The following LMBR1 variants were observed in gnomAD, a reference collection of about 807,000 sequenced individuals.
The protein encoded by LMBR1 is limb region 1 protein homolog.
A neutral mutation model predicts 73.9 loss-of-function variants in LMBR1; 52 were observed. That is an observed-to-expected ratio of 0.70 (90% confidence interval 0.56 to 0.89). LMBR1 has a LOEUF of 0.89. Ranked by LOEUF, LMBR1 falls within the 40% of genes least tolerant of loss-of-function variation. The pLI is 0.00. For missense variants in LMBR1, 539 were observed against 579.8 expected (o/e 0.93, Z 0.72); for synonymous variants, 215 against 209.4 (o/e 1.03, Z -0.23).
At chr7:156,826,406 T>C (rs1835704440) in intron 4 of LMBR1, among the ~76,000 whole-genome samples, 199 bp downstream of exon 4, 1 of 152,188 alleles carries the variant, frequency 6.6e-6, no homozygotes, top group African/African-American at 2.4e-5. Context: ...GCTTCTTAAC[T>C]AAGAGAAAAG....
chr7:156,706,750 A>G (rs1215943695), intron 15 of LMBR1, among the ~76,000 whole-genome samples: 1 of 152,140 alleles, frequency 6.6e-6, no homozygotes, highest in African/African-American at 2.4e-5. Flanking sequence ...AGGGAAGTTT[A>G]TGACATCAAG....
chr7:156,688,033 G>C lies in LMBR1; in HGVS notation c.1384C>G (p.Leu462Val). The C allele has an allele frequency of 1.3e-6, 2 of 1,598,306 alleles. No individual in the cohort carries two copies. The highest frequency in any genetic ancestry group is 8.5e-7 in the Non-Finnish European group (1 of 1,175,208). ...SAVREELFKALGLHKLHLPNT... is the reference protein window; with the variant it reads ...SAVREELFKAVGLHKLHLPNT... ...TACCCATAAACCTCAGGATTACCTA[G>C]GGCCTTGAAAAGTTCTTCTCGAACT... Residue 462 changes from leucine (L) to valine (V), a missense_variant, in exon 16 of 17, where the codon CTA becomes GTA. Leu to Val is a conservative substitution (Grantham distance 32, BLOSUM62 1). Transcript: ENST00000353442.
intron 9 of LMBR1, among the ~76,000 whole-genome samples, chr7:156,738,151 A>G (rs1818236964): frequency 6.6e-6 from 1 of 152,110 alleles, no homozygotes; most frequent in African/African-American, 2.4e-5. Context: ...TGTAGTGTGG[A>G]GAGAGAATCT....
At chr7:156,829,339 T>G (rs1836260897) in intron 3 of LMBR1, among the ~76,000 whole-genome samples, 1 of 152,200 alleles carries the variant, frequency 6.6e-6, no homozygotes, top group Non-Finnish European at 1.5e-5. Flanking sequence ...GATCCCCCAG[T>G]GTTGGAGGTG....
chr7:156,789,332 T>C (rs749112789), intron 5 of LMBR1, among the ~76,000 whole-genome samples: 6 of 152,200 alleles, frequency 3.9e-5, no homozygotes, highest in Non-Finnish European at 8.8e-5. Context: ...TCGATGAGAA[T>C]TTCCTTTCTT....
chr7:156,884,841 C>T (rs1347883034), intron 1 of LMBR1, among the ~76,000 whole-genome samples: 1 of 152,226 alleles, frequency 6.6e-6, no homozygotes, highest in Non-Finnish European at 1.5e-5. Flanking sequence ...ACCTTCTGCC[C>T]AACCACTATT....
At position 156,746,336 on chromosome 7, in the gene LMBR1, T is replaced by C. The variant is rs1819856762; in HGVS notation, c.757+10057A>G. 3.9e-5 allele frequency among the ~76,000 whole-genome samples: 6 copies of C among 152,158 alleles called. No homozygotes were observed. The South Asian group carries it at 1.0e-3, about 26-fold the overall frequency. The stretch of plus-strand genomic sequence containing the variant: ...AGGGTAGAAAAAATAAGCTCATGAG[T>C]ATTTAGAATTTCAAAAGAGAATGGA... On this transcript the variant is annotated intron_variant, in intron 9 of 16. Transcript: ENST00000353442.
At chr7:156,886,108 G>A (rs1250323841) in intron 1 of LMBR1, among the ~76,000 whole-genome samples, 2 of 151,952 alleles carry the variant, frequency 1.3e-5, no homozygotes, top group Non-Finnish European at 2.9e-5. Flanking sequence ...GGGAGATAGA[G>A]GCTACAGTAA....
chr7:156,869,081 T>C (rs1229899894), intron 1 of LMBR1, among the ~76,000 whole-genome samples: 2 of 152,216 alleles, frequency 1.3e-5, no homozygotes, highest in African/African-American at 4.8e-5. Context: ...TACGTGGTGT[T>C]CTTTCTAAAA....
intron 9 of LMBR1, among the ~76,000 whole-genome samples, chr7:156,748,579 C>T (rs1000628386): frequency 1.3e-5 from 2 of 152,058 alleles, no homozygotes; most frequent in Non-Finnish European, 2.9e-5. Flanking sequence ...ACCTCTGCTG[C>T]CCAGGTTCAA....
chr7:156,850,455 C>T (rs1364397685), intron 1 of LMBR1, among the ~76,000 whole-genome samples: 2 of 152,190 alleles, frequency 1.3e-5, no homozygotes, highest in African/African-American at 4.8e-5. Flanking sequence ...TCCCACCCTG[C>T]TTAGACTCTT....
chr7:156,695,113 A>G (rs1210364370), intron 15 of LMBR1, among the ~76,000 whole-genome samples: 1 of 152,198 alleles, frequency 6.6e-6, no homozygotes, highest in Non-Finnish European at 1.5e-5. Context: ...GTTTGAGATC[A>G]GCCTGGGCAA....
At chr7:156,829,286 A>G (rs764588099) in intron 3 of LMBR1, among the ~76,000 whole-genome samples, 15 of 152,188 alleles carry the variant, frequency 9.9e-5, no homozygotes, top group Non-Finnish European at 1.8e-4. Flanking sequence ...TAACAGTGAT[A>G]TGGTTTGGAT....
At chr7:156,761,992 AC>A (rs1823133687) in intron 8 of LMBR1, 141 bp downstream of exon 8, 5 of 577,682 alleles carry the variant, frequency 8.7e-6, no homozygotes, top group South Asian at 2.2e-5. Context: ...AAAAAAAAAA[AC>A]TTAATAAAAC....
At chr7:156,725,243 C>T (rs1815489301) in intron 14 of LMBR1, among the ~76,000 whole-genome samples, 192 bp downstream of exon 14, 6 of 152,246 alleles carry the variant, frequency 3.9e-5, no homozygotes, top group East Asian at 3.9e-4. Context: ...AGTGAATGGA[C>T]GCCATCCAAA....
At chr7:156,860,287 T>C (rs188603114) in intron 1 of LMBR1, among the ~76,000 whole-genome samples, 41 of 152,296 alleles carry the variant, frequency 2.7e-4, no homozygotes, top group Non-Finnish European at 4.6e-4. Context: ...CTTACATGGA[T>C]GGCAACAGGC....
rs1413890938 is a variant in LMBR1, at chr7:156,893,114, G to C, written c.-121C>G. The C allele has an allele frequency of 3.0e-6, 3 of 1,014,480 alleles. No individual in the cohort carries two copies. In the East Asian group the frequency reaches 1.0e-4, roughly 35 times the overall value. 62.8% of individuals were successfully genotyped at this position (1,014,480 alleles called of 1,614,324 possible). ...CGGAGCCGGCACGGGCCCGCGAGCCGTGTTGGAACAGGTACCGCGACCACG... is the reference window on the plus strand; with the variant it reads ...CGGAGCCGGCACGGGCCCGCGAGCCCTGTTGGAACAGGTACCGCGACCACG... On this transcript the variant is annotated 5_prime_UTR_variant, in exon 1 of 17. Coordinates refer to ENST00000353442, the MANE Select transcript of LMBR1 (RefSeq NM_022458.4).
At chr7:156,839,889 G>A (rs1486680340) in intron 1 of LMBR1, among the ~76,000 whole-genome samples, 1 of 152,204 alleles carries the variant, frequency 6.6e-6, no homozygotes, top group African/African-American at 2.4e-5. Context: ...GAGTGTAGAA[G>A]ATGGGCCAAA....
At chr7:156,833,649 C>A in intron 3 of LMBR1, 104 bp downstream of exon 3, 2 of 791,528 alleles carry the variant, frequency 2.5e-6, no homozygotes, top group Non-Finnish European at 4.3e-6. Flanking sequence ...TTGTAATGTG[C>A]TGGGTGAATA....
Sources: allele counts gnomAD v4.1 joint callset (sites outside exome capture counted in the v4.1 genomes callset), GRCh38; gene constraint gnomAD v4.1.1; transcripts MANE v1.5; gene names NCBI Gene and HGNC (gene_info 2026-07-23, HGNC 2026-07-21).